ZDHHC20: variants seen among roughly 807,000 people sequenced by gnomAD.
ZDHHC20 encodes the protein zDHHC palmitoyltransferase 20, also known as palmitoyltransferase ZDHHC20.
In ZDHHC20, 43 loss-of-function variants were observed where a neutral mutation model predicts 57.8. The observed-to-expected ratio is 0.74, with a 90% CI of 0.58 to 0.96. ZDHHC20 has a LOEUF of 0.96. Ranked by LOEUF, ZDHHC20 falls within the 40% of genes least tolerant of loss-of-function variation. ZDHHC20 has a pLI of 0.00. For synonymous variants in ZDHHC20, 157 were observed against 153.0 expected (o/e 1.03, Z -0.19); for missense variants, 391 against 441.1 (o/e 0.89, Z 1.02).
intron 1 of ZDHHC20, among the ~76,000 whole-genome samples, chr13:21,428,775 G>A (rs534455950): frequency 7.2e-5 from 11 of 151,932 alleles, no homozygotes; most frequent in African/African-American, 2.4e-4. Flanking sequence ...CAGGAGAATC[G>A]CCTGAACCTG....
intron 7 of ZDHHC20, among the ~76,000 whole-genome samples, chr13:21,392,987 C>A (rs918143726): frequency 6.6e-6 from 1 of 152,068 alleles, no homozygotes; most frequent in Non-Finnish European, 1.5e-5. Flanking sequence ...AGACTTCCTG[C>A]GGCAAAGCTT....
rs552453416 is a variant in ZDHHC20, at chr13:21,426,141, T to C, written c.119-463A>G. On this transcript the variant is annotated intron_variant, in intron 1 of 12. Transcript: ENST00000400590. ...ACCCTGCTAATTTTTAGTGTTTTTT[T>C]CCTCTGAATAATCAAATACTGAAGA... is the stretch of plus-strand genomic sequence containing the variant. 1.2e-3 allele frequency among the ~76,000 whole-genome samples: 177 copies of C among 152,330 alleles called. 1 individual carries two copies. Among genetic ancestry groups the C allele is most frequent in the Middle Eastern group, 6.8e-3 (2 of 294 alleles).
At chr13:21,423,663 G>A (rs1198680062) in intron 2 of ZDHHC20, among the ~76,000 whole-genome samples, 2 of 150,698 alleles carry the variant, frequency 1.3e-5, no homozygotes, top group East Asian at 1.9e-4. Flanking sequence ...GACAGAGCGA[G>A]ACTCCATCTC....
chr13:21,438,728 G>C (rs1882811340), intron 1 of ZDHHC20, among the ~76,000 whole-genome samples: 1 of 152,210 alleles, frequency 6.6e-6, no homozygotes, highest in Non-Finnish European at 1.5e-5. Flanking sequence ...TCTACTGTGA[G>C]TAAAATGCTG....
Position 21,436,978 on chromosome 13 carries a change from TA to T in ZDHHC20, c.119-11301del, listed in dbSNP as rs1000168289. Among the ~76,000 whole-genome samples the T allele has an allele frequency of 3.3e-5, 5 of 151,902 alleles. No homozygotes were observed. The South Asian group carries it at 6.3e-4, about 19-fold the overall frequency. ...GTGTACCCTAGAACTTAAAGTATAA[TA>T]AAAAAAATTAATTTTAAAAAAAGTA... On this transcript the variant is annotated intron_variant, in intron 1 of 12. Coordinates refer to ENST00000400590, the MANE Select transcript of ZDHHC20 (RefSeq NM_001330059.2).
chr13:21,448,930 G>C (rs1346475342), intron 1 of ZDHHC20, among the ~76,000 whole-genome samples: 1 of 99,726 alleles, frequency 1.0e-5, no homozygotes, highest in African/African-American at 3.4e-5. Context: ...CCAACCCTGT[G>C]CTCTCTGAAA....
chr13:21,428,091 CTT>C (rs1266054431), intron 1 of ZDHHC20, among the ~76,000 whole-genome samples: 3 of 152,182 alleles, frequency 2.0e-5, no homozygotes, highest in East Asian at 1.9e-4. Flanking sequence ...GGAACACACT[CTT>C]AATATTTGCT....
Position 21,400,476 on chromosome 13 carries a change from C to T in ZDHHC20, c.491G>A (p.Gly164Glu), listed in dbSNP as rs1365523129. The T allele has an allele frequency of 6.4e-7, 1 of 1,560,962 alleles. No individual in the cohort carries two copies. Among genetic ancestry groups the T allele is most frequent in the African/African-American group, 1.4e-5 (1 of 73,008 alleles). Residue 164 changes from glycine (G) to glutamate (E), a missense_variant, in exon 7 of 13, where the codon GGA becomes GAA. This residue lies in a region of ZDHHC20 where 9 missense variants were observed against 32.2 expected (regional missense o/e 0.28). Coordinates refer to ENST00000400590, the MANE Select transcript of ZDHHC20 (RefSeq NM_001330059.2). ...CAGGAAGAATTTGTAATTAGAAAAT[C>T]CCACACAGTTATTCACCCTGGAAAA... Reference protein sequence around the residue: ...HHCPWVNNCVGFSNYKFFLLF... With the variant: ...HHCPWVNNCVEFSNYKFFLLF...
intron 8 of ZDHHC20, among the ~76,000 whole-genome samples, chr13:21,389,983 T>C (rs536601585): frequency 6.6e-6 from 1 of 152,170 alleles, no homozygotes; most frequent in East Asian, 1.9e-4. Context: ...AAGTAGTTAA[T>C]AGGGATAAGA....
At chr13:21,440,666 A>G (rs913168396) in intron 1 of ZDHHC20, among the ~76,000 whole-genome samples, 1 of 151,804 alleles carries the variant, frequency 6.6e-6, no homozygotes, top group African/African-American at 2.4e-5. Context: ...ATATATGACA[A>G]AAGAAAGATT....
chr13:21,424,546 A>T (rs886498152), intron 2 of ZDHHC20, among the ~76,000 whole-genome samples: 5 of 151,972 alleles, frequency 3.3e-5, no homozygotes, highest in African/African-American at 4.8e-5. Flanking sequence ...CGTCTCTACT[A>T]AAAAAATACA....
At chr13:21,440,065 T>C (rs1397260538) in intron 1 of ZDHHC20, among the ~76,000 whole-genome samples, 12 of 60,550 alleles carry the variant, frequency 2.0e-4, no homozygotes, top group Non-Finnish European at 2.8e-4. Flanking sequence ...AGACTGTTTC[T>C]CAGAAAAAAA....
intron 1 of ZDHHC20, among the ~76,000 whole-genome samples, chr13:21,454,673 A>T (rs1884758529): frequency 6.6e-6 from 1 of 152,196 alleles, no homozygotes; most frequent in Non-Finnish European, 1.5e-5. Flanking sequence ...GAAATAGAAA[A>T]CTGGTTCTTT....
At chr13:21,456,773 TAACTTAA>T (rs1431058547) in intron 1 of ZDHHC20, among the ~76,000 whole-genome samples, 7 of 152,210 alleles carry the variant, frequency 4.6e-5, no homozygotes, top group African/African-American at 1.7e-4. Flanking sequence ...TAGAATGTTT[TAACTTAA>T]TGAAATTGTA....
rs1446282126 is a variant in ZDHHC20 at position 21,387,496 on chromosome 13, T to C, written c.854+12A>G. On this transcript the variant is annotated intron_variant, in intron 9 of 12. Coordinates refer to ENST00000400590, the MANE Select transcript of ZDHHC20 (RefSeq NM_001330059.2). Reference sequence around the variant, plus strand: ...ATGCCATAATCTCTGAGACCCACATTTTATAAATTACCTTGAAAATATTGG... The same window carrying C: ...ATGCCATAATCTCTGAGACCCACATCTTATAAATTACCTTGAAAATATTGG... 1.3e-6 allele frequency: 2 copies of C among 1,496,762 alleles called. No individual in the cohort carries two copies. Among genetic ancestry groups the C allele is most frequent in the South Asian group, 1.4e-5 (1 of 72,394 alleles). The allele number at this position is 1,496,762 out of a possible 1,614,324, so 92.7% of individuals were successfully genotyped here. A position where few individuals can be genotyped will look rare whatever the true frequency, so the allele number is the denominator to read the frequency against.
At chr13:21,440,266 T>C (rs8000634) in intron 1 of ZDHHC20, among the ~76,000 whole-genome samples, 2,573 of 152,178 alleles carry the variant, frequency 0.017, 24 homozygotes, top group Non-Finnish European at 0.025. Flanking sequence ...TATATGACTA[T>C]TGTTTGTACT....
chr13:21,412,575 C>T (rs932160067), intron 4 of ZDHHC20, among the ~76,000 whole-genome samples: 6 of 152,014 alleles, frequency 3.9e-5, no homozygotes, highest in Admixed American at 3.3e-4. Context: ...CGCCACTGAT[C>T]CTGGTAGGGA....
chr13:21,378,361 CCTTT>C (rs1219602756), intron 12 of ZDHHC20, among the ~76,000 whole-genome samples: 2 of 152,080 alleles, frequency 1.3e-5, no homozygotes, highest in Non-Finnish European at 2.9e-5. Context: ...TGCCTGCCCA[CCTTT>C]TTTTCTTTAA....
chr13:21,402,370 T>C (rs1023203605), intron 5 of ZDHHC20, among the ~76,000 whole-genome samples: 1 of 152,138 alleles, frequency 6.6e-6, no homozygotes, highest in Non-Finnish European at 1.5e-5. Flanking sequence ...ATGTATTCTA[T>C]ACTTATATGA....
Sources: allele counts gnomAD v4.1 joint callset (sites outside exome capture counted in the v4.1 genomes callset), GRCh38; gene constraint gnomAD v4.1.1; regional missense constraint gnomAD v4.1.1; transcripts MANE v1.5; gene names NCBI Gene and HGNC (gene_info 2026-07-23, HGNC 2026-07-21).